Variants in SLC9A9 observed in about 807,000 individuals in gnomAD.
SLC9A9 encodes the protein solute carrier family 9 member A9, also known as sodium/hydrogen exchanger 9.
Under a neutral mutation model 77.8 loss-of-function variants are expected in SLC9A9, and 62 were observed. That is an observed-to-expected ratio of 0.80 (90% CI 0.65 to 0.98). SLC9A9 has a LOEUF of 0.98. Ranked by LOEUF, SLC9A9 falls within the 50% of genes least tolerant of loss-of-function variation. The pLI is 0.00. For synonymous variants in SLC9A9, 320 were observed against 283.5 expected, an observed-to-expected ratio of 1.13 and a Z score of -1.29; for missense variants, 775 against 774.9, an observed-to-expected ratio of 1.00 and a Z score of 0.00.
At chr3:143,519,537 G>A (rs978819569) in intron 9 of SLC9A9, among the ~76,000 whole-genome samples, 2 of 152,168 alleles carry the variant, frequency 1.3e-5, no homozygotes, top group African/African-American at 4.8e-5. Context: ...TTTGGAAGAA[G>A]AGAAGGCACT....
At chr3:143,717,498 G>C (rs1934386906) in intron 4 of SLC9A9, among the ~76,000 whole-genome samples, 1 of 152,128 alleles carries the variant, frequency 6.6e-6, no homozygotes, top group Admixed American at 6.5e-5. Context: ...AGCTTCTCTT[G>C]GAAAATAAGA....
At position 143,389,623 on chromosome 3, in the gene SLC9A9, A is replaced by T. The variant is rs145842528; in HGVS notation, c.1470-7509T>A. 4.2e-3 allele frequency among the ~76,000 whole-genome samples: 647 copies of T among 152,346 alleles called. 4 individuals carry two copies. Among genetic ancestry groups the T allele is most frequent in the African/African-American group, 0.015 (616 of 41,576 alleles). On this transcript the variant is annotated intron_variant, in intron 12 of 15. Coordinates refer to ENST00000316549, the MANE Select transcript of SLC9A9 (RefSeq NM_173653.4). Reference sequence around the variant, plus strand: ...CAGATCTGAGCACTTCTATTGTGAGAGAAGCAAAGTCAGCTCTCTACATTG... The same window carrying T: ...CAGATCTGAGCACTTCTATTGTGAGTGAAGCAAAGTCAGCTCTCTACATTG...
At position 143,495,239 on chromosome 3, in the gene SLC9A9, T is replaced by C. The variant is rs2035812527; in HGVS notation, c.1203+96A>G. 1.9e-5 allele frequency: 21 copies of C among 1,087,014 alleles called. 2 individuals carry two copies. The South Asian group carries it at 2.5e-4, about 13-fold the overall frequency. 67.3% of individuals were successfully genotyped at this position (1,087,014 alleles called of 1,614,324 possible). On this transcript the variant is annotated intron_variant, in intron 10 of 15. Transcript: ENST00000316549. ...TGTGTCTGAGCCTTGCAGTGGACTT[T>C]AGGAAAGTGCTTTAATGATTTAACA... is the stretch of plus-strand genomic sequence containing the variant.
chr3:143,742,143 C>T (rs1199587944), intron 4 of SLC9A9, among the ~76,000 whole-genome samples: 1 of 152,016 alleles, frequency 6.6e-6, no homozygotes, highest in East Asian at 1.9e-4. Context: ...TGGCACCACC[C>T]AGATCAATAA....
intron 6 of SLC9A9, among the ~76,000 whole-genome samples, chr3:143,584,259 G>A (rs371195242): frequency 7.9e-5 from 12 of 151,860 alleles, no homozygotes; most frequent in Admixed American, 5.2e-4. Context: ...ACACTTTGCC[G>A]CACAGTTACC....
chr3:143,301,250 C>T (rs2030502357), intron 14 of SLC9A9, among the ~76,000 whole-genome samples: 1 of 152,232 alleles, frequency 6.6e-6, no homozygotes, highest in Admixed American at 6.5e-5. Flanking sequence ...GCGCAAAATG[C>T]ATACTTTGTA....
intron 9 of SLC9A9, among the ~76,000 whole-genome samples, chr3:143,535,860 T>C (rs914628698): frequency 3.9e-5 from 6 of 152,180 alleles, no homozygotes; most frequent in African/African-American, 1.4e-4. Flanking sequence ...AGCCATAGTT[T>C]CTAAGAAATA....
At chr3:143,772,633 T>G (rs1214169852) in intron 4 of SLC9A9, among the ~76,000 whole-genome samples, 1 of 152,166 alleles carries the variant, frequency 6.6e-6, no homozygotes, top group Non-Finnish European at 1.5e-5. Flanking sequence ...CACTCTTAGA[T>G]AAATACCGCA....
At chr3:143,586,552 T>C (rs777867277) in intron 6 of SLC9A9, among the ~76,000 whole-genome samples, 12 of 152,300 alleles carry the variant, frequency 7.9e-5, no homozygotes, top group African/African-American at 2.4e-4. Context: ...AAATTCTTTA[T>C]GCCTTAAAAA....
chr3:143,346,037 C>T (rs1298090930), intron 14 of SLC9A9, among the ~76,000 whole-genome samples: 4 of 151,894 alleles, frequency 2.6e-5, no homozygotes, highest in Non-Finnish European at 5.9e-5. Flanking sequence ...TTTAATTAAG[C>T]TAAAGGGAAA....
intron 4 of SLC9A9, among the ~76,000 whole-genome samples, chr3:143,707,143 C>G (rs1934005094): frequency 6.6e-6 from 1 of 152,154 alleles, no homozygotes; most frequent in Non-Finnish European, 1.5e-5. Context: ...ACAGCTACAA[C>G]CCCACAGTTC....
chr3:143,621,874 T>A (rs1243326607), intron 6 of SLC9A9, among the ~76,000 whole-genome samples: 1 of 151,718 alleles, frequency 6.6e-6, no homozygotes, highest in East Asian at 1.9e-4. Flanking sequence ...TGAAAAAAAA[T>A]TAGACAAATG....
intron 14 of SLC9A9, among the ~76,000 whole-genome samples, chr3:143,340,417 G>T (rs1289222184): frequency 6.6e-6 from 1 of 152,168 alleles, no homozygotes; most frequent in African/African-American, 2.4e-5. Flanking sequence ...ACATTTATTA[G>T]AACACCTGCT....
intron 2 of SLC9A9, among the ~76,000 whole-genome samples, chr3:143,801,676 C>T (rs747739673): frequency 1.3e-5 from 2 of 152,194 alleles, no homozygotes; most frequent in Non-Finnish European, 2.9e-5. Flanking sequence ...GCCTAATCGC[C>T]ACTCACCAGC....
chr3:143,527,060 A>G (rs1227159273), intron 9 of SLC9A9, among the ~76,000 whole-genome samples: 3 of 152,136 alleles, frequency 2.0e-5, no homozygotes, highest in Non-Finnish European at 2.9e-5. Flanking sequence ...GTTCTGAAAC[A>G]CCCTCTATGC....
intron 4 of SLC9A9, among the ~76,000 whole-genome samples, chr3:143,776,366 C>A (rs1020737296): frequency 9.9e-5 from 15 of 152,090 alleles, no homozygotes; most frequent in African/African-American, 3.6e-4. Context: ...GGCATTTACC[C>A]CCAGTACTGT....
chr3:143,460,024 A>G (rs1208539805), intron 12 of SLC9A9, among the ~76,000 whole-genome samples: 1 of 152,116 alleles, frequency 6.6e-6, no homozygotes, highest in Non-Finnish European at 1.5e-5. Context: ...CAACAAATCT[A>G]AGGCATATGT....
intron 12 of SLC9A9, among the ~76,000 whole-genome samples, chr3:143,386,665 C>A (rs1414654844): frequency 6.6e-6 from 1 of 152,148 alleles, no homozygotes; most frequent in Non-Finnish European, 1.5e-5. Flanking sequence ...TGATTACTTT[C>A]AGAGATAAGC....
chr3:143,278,138 C>G (rs886293506), intron 14 of SLC9A9, among the ~76,000 whole-genome samples: 2 of 152,200 alleles, frequency 1.3e-5, no homozygotes, highest in Non-Finnish European at 2.9e-5. Flanking sequence ...GCATAATCAT[C>G]TCCTGCCTCT....
Sources: gnomAD v4.1 joint callset for allele counts (sites outside exome capture counted in the v4.1 genomes callset) on GRCh38, gnomAD v4.1.1 for gene constraint, MANE v1.5 for transcripts, NCBI Gene and HGNC (gene_info 2026-07-23, HGNC 2026-07-21) for gene names.